FLVCR1: variants seen among roughly 807,000 people sequenced by gnomAD.
The protein encoded by FLVCR1 is choline/ethanolamine transporter FLVCR1.
A neutral mutation model predicts 53.6 loss-of-function variants in FLVCR1; 34 were observed. The observed-to-expected ratio is 0.63, with a 90% confidence interval of 0.48 to 0.84. FLVCR1 has a LOEUF of 0.84. Among genes scored for constraint, FLVCR1 ranks in the 40% least tolerant of loss-of-function variants. The pLI, the probability that FLVCR1 is intolerant of heterozygous loss-of-function variation, is 0.00. For missense variants in FLVCR1, 677 were observed against 696.7 expected, an observed-to-expected ratio of 0.97 and a Z score of 0.32; for synonymous variants, 300 against 286.3, an observed-to-expected ratio of 1.05 and a Z score of -0.48.
intron 1 of FLVCR1, among the ~76,000 whole-genome samples, chr1:212,860,062 C>T (rs1355711656): frequency 6.6e-6 from 1 of 152,144 alleles, no homozygotes; most frequent in African/African-American, 2.4e-5. Flanking sequence ...GCAGGCGGAT[C>T]ACTTGAGGCC....
chr1:212,867,164 T>C (rs1664461724), intron 2 of FLVCR1, among the ~76,000 whole-genome samples: 1 of 152,248 alleles, frequency 6.6e-6, no homozygotes, highest in South Asian at 2.1e-4. Context: ...GCTTAAAATA[T>C]TTTCTCAAAG....
intron 5 of FLVCR1, chr1:212,885,625 A>G (rs1320163432): frequency 2.5e-6 from 1 of 399,878 alleles, no homozygotes; most frequent in African/African-American, 2.3e-5. Flanking sequence ...ATCTCGGCTC[A>G]CTGCAACCTC....
intron 8 of FLVCR1, among the ~76,000 whole-genome samples, chr1:212,890,868 G>A (rs564712826): frequency 7.2e-5 from 11 of 152,214 alleles, no homozygotes; most frequent in African/African-American, 1.7e-4. Flanking sequence ...ACCTAAGGTC[G>A]CTCACTCAAT....
At chr1:212,859,251 C>G in intron 1 of FLVCR1, 61 bp downstream of exon 1, 2 of 1,611,718 alleles carry the variant, frequency 1.2e-6, no homozygotes, top group Non-Finnish European at 1.7e-6. Context: ...AGTCATAGGC[C>G]GTGAGAACTA....
At chr1:212,889,787 C>T (rs900449263) in intron 8 of FLVCR1, among the ~76,000 whole-genome samples, 2 of 150,296 alleles carry the variant, frequency 1.3e-5, no homozygotes, top group Non-Finnish European at 3.0e-5. Flanking sequence ...TAGTAAAGAC[C>T]TGGAGTTGGG....
At chr1:212,879,398 T>C (rs1270203349) in intron 3 of FLVCR1, among the ~76,000 whole-genome samples, 1 of 152,126 alleles carries the variant, frequency 6.6e-6, no homozygotes, top group African/African-American at 2.4e-5. Flanking sequence ...GTGCCTAATA[T>C]GATATATATA....
At chr1:212,863,330 G>A (rs901871868) in intron 1 of FLVCR1, among the ~76,000 whole-genome samples, 17 of 152,232 alleles carry the variant, frequency 1.1e-4, no homozygotes, top group Non-Finnish European at 2.4e-4. Context: ...AGTGGCTCAC[G>A]CCTGTAATCC....
At chr1:212,860,868 A>G (rs1169432906) in intron 1 of FLVCR1, among the ~76,000 whole-genome samples, 1 of 152,190 alleles carries the variant, frequency 6.6e-6, no homozygotes, top group African/African-American at 2.4e-5. Flanking sequence ...CACACCACTC[A>G]AAATTGCTTT....
intron 1 of FLVCR1, among the ~76,000 whole-genome samples, chr1:212,860,497 TTTTC>T (rs1275383593): frequency 6.6e-6 from 1 of 151,828 alleles, no homozygotes; most frequent in African/African-American, 2.4e-5. Flanking sequence ...CATGATTACA[TTTTC>T]TTTGTCACAC....
chr1:212,862,064 CCTTCCTCCTAAAAAT>C (rs1342706288), intron 1 of FLVCR1, among the ~76,000 whole-genome samples: 4 of 152,124 alleles, frequency 2.6e-5, no homozygotes, highest in Admixed American at 6.6e-5. Flanking sequence ...CTCCTCACGC[CCTTCCTCCTAAAAAT>C]CTTCCTCCTA....
chr1:212,882,517 G>T (rs191908902), intron 3 of FLVCR1, among the ~76,000 whole-genome samples: 50 of 152,258 alleles, frequency 3.3e-4, no homozygotes, highest in Non-Finnish European at 4.4e-5. Context: ...ATAGGATTGG[G>T]AAAAGTCTGA....
intron 3 of FLVCR1, 89 bp downstream of exon 3, chr1:212,872,907 C>T (rs926134281): frequency 1.4e-6 from 2 of 1,410,798 alleles, no homozygotes; most frequent in East Asian, 4.6e-5. Flanking sequence ...GTTTGAACTT[C>T]AATGAGATTG....
intron 2 of FLVCR1, among the ~76,000 whole-genome samples, chr1:212,865,485 ATTTT>A (rs58544929): frequency 3.0e-5 from 4 of 133,654 alleles, no homozygotes; most frequent in Admixed American, 8.5e-5. Flanking sequence ...TGCAATAGGG[ATTTT>A]TTTTTTTTTT....
Position 212,858,724 on chromosome 1 carries a change from C to G in FLVCR1, c.272C>G (p.Pro91Arg). 6.2e-7 allele frequency: 1 copy of G among 1,607,224 alleles called. No homozygotes were observed. Among genetic ancestry groups the G allele is most frequent in the Middle Eastern group, 1.7e-4 (1 of 5,912 alleles). ...LLPAGAGAET[P>R]GAESSPLPLT... ...CCTGCGGGCGCGGGAGCTGAGACCCCGGGGGCCGAGAGCAGCCCGCTGCCC... is the reference window on the plus strand; with the variant it reads ...CCTGCGGGCGCGGGAGCTGAGACCCGGGGGGCCGAGAGCAGCCCGCTGCCC... The change falls in exon 1 of 10, where the codon CCG becomes CGG. Residue 91 changes from proline (P) to arginine (R), a missense_variant. Pro to Arg is a moderately radical substitution (Grantham distance 103, BLOSUM62 -2). Coordinates refer to ENST00000366971, the MANE Select transcript of FLVCR1 (RefSeq NM_014053.4).
chr1:212,859,029 G>C lies in FLVCR1; in HGVS notation c.577G>C (p.Gly193Arg), dbSNP rs145380701. Residue 193 changes from glycine (G) to arginine (R), a missense_variant, in exon 1 of 10, where the codon GGC becomes CGC. Coordinates refer to ENST00000366971, the MANE Select transcript of FLVCR1 (RefSeq NM_014053.4). ...CTGCCTGGGTGCCTGGATCAAGTGC[G>C]GCAGTGTGCAGCAGCATCTCTTCTG... Reference protein sequence around the residue: ...LNCLGAWIKCGSVQQHLFWVT... With the variant: ...LNCLGAWIKCRSVQQHLFWVT... The C allele has an allele frequency of 4.3e-6, 7 of 1,612,204 alleles. No individual in the cohort carries two copies. Among genetic ancestry groups the C allele is most frequent in the East Asian group, 2.2e-5 (1 of 44,836 alleles).
In FLVCR1 at chr1:212,889,681, C is replaced by T. The variant is rs142655551; in HGVS notation, c.1525+424C>T. Among the ~76,000 whole-genome samples the T allele has an allele frequency of 4.0e-3, 605 of 149,836 alleles. 3 individuals carry two copies. Among genetic ancestry groups the T allele is most frequent in the African/African-American group, 0.014 (581 of 40,814 alleles). ...GCTGAGGCAGGAAAATTGCTTGAACCCAGGAGACAGAGGTTGCAGTGAGCC... is the reference window on the plus strand; with the variant it reads ...GCTGAGGCAGGAAAATTGCTTGAACTCAGGAGACAGAGGTTGCAGTGAGCC... On this transcript the variant is annotated intron_variant, in intron 8 of 9. Coordinates refer to ENST00000366971, the MANE Select transcript of FLVCR1 (RefSeq NM_014053.4).
intron 1 of FLVCR1, among the ~76,000 whole-genome samples, chr1:212,861,723 G>A (rs1664245670): frequency 6.6e-6 from 1 of 151,958 alleles, no homozygotes; most frequent in Non-Finnish European, 1.5e-5. Context: ...AGGCTGGAGT[G>A]CAGTGGCGCG....
At chr1:212,859,700 A>T (rs1344807529) in intron 1 of FLVCR1, among the ~76,000 whole-genome samples, 1 of 152,014 alleles carries the variant, frequency 6.6e-6, no homozygotes, top group Admixed American at 6.6e-5. Context: ...CTTGGGTGAC[A>T]GAGTGAGACT....
chr1:212,895,112 C>T, intron 9 of FLVCR1, 59 bp downstream of exon 9: 2 of 1,383,738 alleles, frequency 1.4e-6, no homozygotes, highest in African/African-American at 1.4e-5. Context: ...AATGTGAAAC[C>T]ATATTTTTTT....
Sources: allele counts gnomAD v4.1 joint callset (sites outside exome capture counted in the v4.1 genomes callset), GRCh38; gene constraint gnomAD v4.1.1; transcripts MANE v1.5; gene names NCBI Gene and HGNC (gene_info 2026-07-23, HGNC 2026-07-21).